SSH1: variants seen among roughly 807,000 people sequenced by gnomAD.
SSH1 encodes the protein slingshot protein phosphatase 1, also known as protein phosphatase Slingshot homolog 1.
A neutral mutation model predicts 79.7 loss-of-function variants in SSH1; 43 were observed. The observed-to-expected ratio is 0.54, with a 90% CI of 0.42 to 0.70. SSH1 has a LOEUF of 0.70. SSH1 is among the 30% of genes least tolerant of loss of function. SSH1 has a pLI of 0.00. For missense variants in SSH1, 1,206 were observed against 1,358.8 expected (o/e 0.89, Z 1.77); for synonymous variants, 599 against 538.3 (o/e 1.11, Z -1.56).
rs542173852 is a variant in SSH1, at chr12:108,811,289, G to A, written c.441C>T (p.Ser147=). 21 of 1,614,144 alleles carry A rather than the reference G, an allele frequency of 1.3e-5. No homozygotes were observed. The highest frequency in any genetic ancestry group is 1.1e-4 in the African/African-American group (8 of 75,026). ...CTIGMVLRLW[S]DTKIHLDGDG... is the part of the protein sequence containing the mutation. ...CTCCATCAAGGTGGATTTTCGTGTC[G>A]CTCCACAGTCGGAGAACCATCCCAA... Residue 147 remains serine, a synonymous_variant, in exon 6 of 15, where the codon AGC becomes AGT. Transcript: ENST00000326495.
rs2038328345 is a variant in SSH1 at position 108,826,803 on chromosome 12, T to C, written c.111-3442A>G. On this transcript the variant is annotated intron_variant, in intron 2 of 14. Coordinates refer to ENST00000326495, the MANE Select transcript of SSH1 (RefSeq NM_018984.4). ...TCCATGAAGAAATCCACATTGGTGA[T>C]GGCACGCTCACTTTACCAGGTGTCT... is the stretch of plus-strand genomic sequence containing the variant. 3.9e-5 allele frequency among the ~76,000 whole-genome samples: 6 copies of C among 152,160 alleles called. No homozygotes were observed. The South Asian group carries it at 1.2e-3, about 32-fold the overall frequency.
Position 108,782,788 on chromosome 12 carries a change from T to G in SSH1, c.*5200A>C, listed in dbSNP as rs2036166482. 1 of 152,200 alleles carries G rather than the reference T, an allele frequency of 6.6e-6. No homozygotes were observed. The highest frequency in any genetic ancestry group is 1.5e-5 in the Non-Finnish European group (1 of 68,034). 9.4% of individuals were successfully genotyped at this position (152,200 alleles called of 1,614,324 possible). A position where few individuals can be genotyped will look rare whatever the true frequency, so the allele number is the denominator to read the frequency against. On this transcript the variant is annotated 3_prime_UTR_variant, in exon 15 of 15. Coordinates refer to ENST00000326495, the MANE Select transcript of SSH1 (RefSeq NM_018984.4). ...AAGTAAAAAAAAAGTGCATTCTGCATCTTCTACTGCAAATTCACAGTACAA... is the reference window on the plus strand; with the variant it reads ...AAGTAAAAAAAAAGTGCATTCTGCAGCTTCTACTGCAAATTCACAGTACAA...
chr12:108,839,281 G>A (rs1219270925), intron 2 of SSH1, among the ~76,000 whole-genome samples: 1 of 152,188 alleles, frequency 6.6e-6, no homozygotes, highest in Non-Finnish European at 1.5e-5. Context: ...CAGGGCCTGG[G>A]AATTAGGTTC....
intron 5 of SSH1, among the ~76,000 whole-genome samples, chr12:108,812,250 C>T (rs2037648378): frequency 6.6e-6 from 1 of 152,236 alleles, no homozygotes; most frequent in Non-Finnish European, 1.5e-5. Flanking sequence ...ACTAGTATTT[C>T]TCTTATAGCA....
chr12:108,810,809 C>T (rs991701605), intron 6 of SSH1, among the ~76,000 whole-genome samples: 2 of 152,220 alleles, frequency 1.3e-5, no homozygotes, highest in African/African-American at 4.8e-5. Context: ...TTCATTCCTC[C>T]TTTGTGGCCC....
At chr12:108,855,601 G>T (rs1406883109) in intron 1 of SSH1, among the ~76,000 whole-genome samples, 1 of 152,208 alleles carries the variant, frequency 6.6e-6, no homozygotes, top group Non-Finnish European at 1.5e-5. Flanking sequence ...TGGGCTGACA[G>T]GTTCAGCCTG....
chr12:108,787,028 C>G lies in SSH1; in HGVS notation c.*960G>C, dbSNP rs2036295210. 1 of 152,234 alleles carries G rather than the reference C, an allele frequency of 6.6e-6. No individual in the cohort carries two copies. The highest frequency in any genetic ancestry group is 1.5e-5 in the Non-Finnish European group (1 of 68,056). The allele number at this position is 152,234 out of a possible 1,614,324, so 9.4% of individuals were successfully genotyped here. On this transcript the variant is annotated 3_prime_UTR_variant, in exon 15 of 15. Coordinates refer to ENST00000326495, the MANE Select transcript of SSH1 (RefSeq NM_018984.4). ...GACAGTCCCGTTCCTTTCGGGGAAGCCGCTGAAATCTCCTTTCCCTTCCCT... is the reference window on the plus strand; with the variant it reads ...GACAGTCCCGTTCCTTTCGGGGAAGGCGCTGAAATCTCCTTTCCCTTCCCT...
intron 10 of SSH1, among the ~76,000 whole-genome samples, chr12:108,804,630 C>T (rs2037184073): frequency 2.6e-5 from 4 of 152,218 alleles, no homozygotes; most frequent in Non-Finnish European, 5.9e-5. Context: ...CCTGTTGTTT[C>T]TCATGTCTCA....
chr12:108,856,888 C>T (rs1442171365), intron 1 of SSH1, among the ~76,000 whole-genome samples: 1 of 152,230 alleles, frequency 6.6e-6, no homozygotes, highest in Non-Finnish European at 1.5e-5. Context: ...ACCCCTGGAC[C>T]CTGGTCACAC....
At position 108,778,612 on chromosome 12, in the gene SSH1, T is replaced by C. The variant is rs974330322; in HGVS notation, c.*9376A>G. The C allele has an allele frequency of 3.3e-5, 5 of 152,188 alleles. No homozygotes were observed. Among genetic ancestry groups the C allele is most frequent in the African/African-American group, 9.7e-5 (4 of 41,410 alleles). 9.4% of individuals were successfully genotyped at this position (152,188 alleles called of 1,614,324 possible). A position where few individuals can be genotyped will look rare whatever the true frequency, so the allele number is the denominator to read the frequency against. On this transcript the variant is annotated 3_prime_UTR_variant, in exon 15 of 15. Coordinates refer to ENST00000326495, the MANE Select transcript of SSH1 (RefSeq NM_018984.4). Reference sequence around the variant, plus strand: ...AATTCCAACAATAACAACCACCATTTATTTATTAGGTAGTGTGCCAGGCAG... The same window carrying C: ...AATTCCAACAATAACAACCACCATTCATTTATTAGGTAGTGTGCCAGGCAG...
chr12:108,842,728 G>A (rs2038809280), intron 2 of SSH1, among the ~76,000 whole-genome samples: 1 of 151,548 alleles, frequency 6.6e-6, no homozygotes, highest in African/African-American at 2.4e-5. Context: ...TGCATAGGGA[G>A]GAGGAAAAGA....
At chr12:108,795,214 C>T (rs144929081) in intron 13 of SSH1, among the ~76,000 whole-genome samples, 94 of 152,190 alleles carry the variant, frequency 6.2e-4, no homozygotes, top group African/African-American at 2.1e-3. Flanking sequence ...ACAGATAGCA[C>T]TCATGCAAAC....
intron 1 of SSH1, among the ~76,000 whole-genome samples, chr12:108,856,839 G>C (rs185254166): frequency 1.3e-4 from 20 of 152,302 alleles, no homozygotes; most frequent in Non-Finnish European, 2.9e-4. Context: ...AGCGGCTCAC[G>C]CAGTCACCCA....
chr12:108,807,814 C>T lies in SSH1; in HGVS notation c.550G>A (p.Val184Met), dbSNP rs2037363290. The change falls in exon 8 of 15, where the codon GTG becomes ATG. Residue 184 changes from valine to methionine, a missense_variant. Val to Met is a conservative substitution (Grantham distance 21). Coordinates refer to ENST00000326495, the MANE Select transcript of SSH1 (RefSeq NM_018984.4). This position sits in a 1 kb window ranked among gnomAD's most constrained non-coding sequence, Gnocchi z 5.2. ...GCCACTTCGCAGGCCTTGTGAAGCA[C>T]CTGCAGGGCAGACCTGGGGCGAGGA... Reference protein sequence around the residue: ...SVQAMWSALQVLHKACEVARR... With the variant: ...SVQAMWSALQMLHKACEVARR... 6.2e-7 allele frequency: 1 copy of T among 1,613,740 alleles called. No individual in the cohort carries two copies. Among genetic ancestry groups the T allele is most frequent in the African/African-American group, 1.3e-5 (1 of 74,860 alleles).
chr12:108,793,399 T>C (rs1237017966), intron 13 of SSH1, among the ~76,000 whole-genome samples: 68 of 82,274 alleles, frequency 8.3e-4, no homozygotes, highest in Non-Finnish European at 3.8e-4. Context: ...TTATAATCCC[T>C]TTTTTTTTTT....
At chr12:108,805,826 G>A (rs2037242751) in intron 9 of SSH1, among the ~76,000 whole-genome samples, 1 of 152,124 alleles carries the variant, frequency 6.6e-6, no homozygotes, top group Non-Finnish European at 1.5e-5. Context: ...AAGTGATCCA[G>A]GAAAAAACAT....
Position 108,801,004 on chromosome 12 carries a change from A to T in SSH1, c.1002-78T>A. On this transcript the variant is annotated intron_variant, in intron 11 of 14. Coordinates refer to ENST00000326495, the MANE Select transcript of SSH1 (RefSeq NM_018984.4). ...AAAGCAAGGTAATAAAAACTGGCAGAGAAAAGAAAAGGAAACACACATTAA... is the reference window on the plus strand; with the variant it reads ...AAAGCAAGGTAATAAAAACTGGCAGTGAAAAGAAAAGGAAACACACATTAA... The T allele has an allele frequency of 6.3e-6, 9 of 1,429,650 alleles. No individual in the cohort carries two copies. In the South Asian group the frequency reaches 1.1e-4, roughly 17 times the overall value. 88.6% of individuals were successfully genotyped at this position (1,429,650 alleles called of 1,614,324 possible).
intron 2 of SSH1, among the ~76,000 whole-genome samples, chr12:108,851,210 G>A (rs2039032154): frequency 6.6e-6 from 1 of 152,182 alleles, no homozygotes; most frequent in South Asian, 2.1e-4. Context: ...GATTCTTGCA[G>A]GCTAGTGTTT....
At chr12:108,798,690 C>A (rs959168203) in intron 13 of SSH1, among the ~76,000 whole-genome samples, 1 of 152,230 alleles carries the variant, frequency 6.6e-6, no homozygotes, top group African/African-American at 2.4e-5. Flanking sequence ...GAGATGCGCA[C>A]GTGCTTACGC....
Sources: allele counts gnomAD v4.1 joint callset (sites outside exome capture counted in the v4.1 genomes callset), GRCh38; gene constraint gnomAD v4.1.1; non-coding constraint Gnocchi (gnomAD v3.1); transcripts MANE v1.5; gene names NCBI Gene and HGNC (gene_info 2026-07-23, HGNC 2026-07-21).